PCDHGB3: variants seen among roughly 807,000 people sequenced by gnomAD.
The protein encoded by PCDHGB3 is protocadherin gamma-B3.
Under a neutral mutation model 59.2 loss-of-function variants are expected in PCDHGB3, and 40 were observed. That is an observed-to-expected ratio of 0.68 (90% CI 0.52 to 0.88). The LOEUF (loss-of-function observed/expected upper bound fraction) is 0.88. Among genes scored for constraint, PCDHGB3 ranks in the 40% least tolerant of loss-of-function variants. The pLI, the probability that PCDHGB3 is intolerant of heterozygous loss-of-function variation, is 0.00. For synonymous variants in PCDHGB3, 581 were observed against 503.6 expected (o/e 1.15, Z -2.06); for missense variants, 1,309 against 1,187.9 (o/e 1.10, Z -1.50).
intron 1 of PCDHGB3, chr5:141,415,929 T>C: frequency 1.6e-6 from 1 of 629,678 alleles, no homozygotes; most frequent in African/African-American, 1.9e-5. Context: ...TGTCAATTTA[T>C]ATTTCCTCCT....
At chr5:141,459,863 G>A (rs182099511) in intron 1 of PCDHGB3, among the ~76,000 whole-genome samples, 2 of 152,242 alleles carry the variant, frequency 1.3e-5, no homozygotes, top group East Asian at 1.9e-4. Context: ...TGAAGCATTC[G>A]TTCATCTTTA....
intron 1 of PCDHGB3, chr5:141,398,793 A>G (rs376843278): frequency 2.5e-5 from 41 of 1,613,830 alleles, no homozygotes; most frequent in South Asian, 1.1e-5. Flanking sequence ...ATCCACCCCT[A>G]AGCGGCACCA....
chr5:141,459,609 T>C (rs939880462), intron 1 of PCDHGB3, among the ~76,000 whole-genome samples: 1 of 152,230 alleles, frequency 6.6e-6, no homozygotes, highest in African/African-American at 2.4e-5. Context: ...AAGTATATGC[T>C]TAACTTTATA....
Position 141,372,516 on chromosome 5 carries a change from A to C in PCDHGB3, c.2122A>C (p.Ile708Leu). 6.2e-7 allele frequency: 1 copy of C among 1,613,902 alleles called. No individual in the cohort carries two copies. Among genetic ancestry groups the C allele is most frequent in the Non-Finnish European group, 8.5e-7 (1 of 1,179,862 alleles). Residue 708 changes from isoleucine to leucine, a missense_variant, in exon 1 of 4, where the codon ATT (isoleucine) becomes CTT (leucine). Transcript: ENST00000576222. ...LISVLFLLAV[I>L]LAISLRLRCS... The stretch of plus-strand genomic sequence containing the variant: ...CTCAGTGCTCTTCCTCCTCGCGGTG[A>C]TTCTGGCAATCTCCCTGCGCCTGCG...
At chr5:141,374,758 C>T in intron 1 of PCDHGB3, 1 of 1,613,200 alleles carries the variant, frequency 6.2e-7, no homozygotes, top group South Asian at 1.1e-5. Context: ...GCTCAAGCGT[C>T]GCCCAAATTC....
Position 141,476,990 on chromosome 5 carries a change from C to T in PCDHGB3, c.2416-17817C>T, listed in dbSNP as rs2099402882. ...CGGCAGCCACAACCGCGCCGGCGTGCGGCAACTATTCGCCTTAGACCTTGT... is the reference window on the plus strand; with the variant it reads ...CGGCAGCCACAACCGCGCCGGCGTGTGGCAACTATTCGCCTTAGACCTTGT... On this transcript the variant is annotated intron_variant, in intron 1 of 3. Coordinates refer to ENST00000576222, the MANE Select transcript of PCDHGB3 (RefSeq NM_018924.5). The surrounding 1 kb of genome is among the most constrained non-coding windows in gnomAD (Gnocchi z 7.6). 6.2e-7 allele frequency: 1 copy of T among 1,614,220 alleles called. No individual in the cohort carries two copies. The highest frequency in any genetic ancestry group is 8.5e-7 in the Non-Finnish European group (1 of 1,180,046).
chr5:141,401,725 T>C lies in PCDHGB3; in HGVS notation c.2415+28916T>C, dbSNP rs2094187242. Among the ~76,000 whole-genome samples the C allele has an allele frequency of 2.0e-5, 3 of 152,322 alleles. No individual in the cohort carries two copies. In the South Asian group the frequency reaches 6.2e-4, roughly 32 times the overall value. ...ATTCCATTTTTAAGACAAAAACTAC[T>C]AGTCTTGTGTACATACAAAGCTCCC... On this transcript the variant is annotated intron_variant, in intron 1 of 3. Coordinates refer to ENST00000576222, the MANE Select transcript of PCDHGB3 (RefSeq NM_018924.5).
chr5:141,382,453 G>A (rs1300977672), intron 1 of PCDHGB3, among the ~76,000 whole-genome samples: 1 of 152,202 alleles, frequency 6.6e-6, no homozygotes, highest in Non-Finnish European at 1.5e-5. Flanking sequence ...GCAAGGCAAA[G>A]CAGTTTTTTA....
intron 2 of PCDHGB3, among the ~76,000 whole-genome samples, chr5:141,498,068 A>G (rs765582921): frequency 6.6e-6 from 1 of 152,244 alleles, no homozygotes; most frequent in Non-Finnish European, 1.5e-5. Context: ...TGAAACTGTC[A>G]TAAGTGCTAG....
At chr5:141,502,008 C>T (rs753492460) in intron 2 of PCDHGB3, among the ~76,000 whole-genome samples, 6 of 152,086 alleles carry the variant, frequency 3.9e-5, no homozygotes, top group Non-Finnish European at 8.8e-5. Context: ...AACCCGCATG[C>T]TCTCCTCCCT....
intron 1 of PCDHGB3, chr5:141,393,238 T>A: frequency 1.2e-6 from 2 of 1,613,734 alleles, no homozygotes; most frequent in Non-Finnish European, 8.5e-7. Context: ...GAAGTAAAAA[T>A]TAACGAAATC....
chr5:141,454,272 A>G (rs1226625529), intron 1 of PCDHGB3, among the ~76,000 whole-genome samples: 1 of 152,200 alleles, frequency 6.6e-6, no homozygotes, highest in Non-Finnish European at 1.5e-5. Context: ...ATGCCAGCAA[A>G]AACTTCACAT....
At chr5:141,428,066 A>T in intron 1 of PCDHGB3, 2 of 1,609,118 alleles carry the variant, frequency 1.2e-6, no homozygotes, top group Non-Finnish European at 1.7e-6. Context: ...CGGTGGACGC[A>T]GATTCGGGAC....
At chr5:141,503,517 T>C (rs6878542) in intron 2 of PCDHGB3, among the ~76,000 whole-genome samples, 77,350 of 150,132 alleles carry the variant, frequency 0.52, 20,504 homozygotes, top group African/African-American at 0.63. Flanking sequence ...GAGAATCACT[T>C]GAACCTGGGA....
intron 1 of PCDHGB3, chr5:141,398,172 A>G (rs1386610242): frequency 6.1e-6 from 9 of 1,476,892 alleles, no homozygotes; most frequent in Non-Finnish European, 7.2e-6. Context: ...AGAGGCTGCC[A>G]GTGCTCTTTC....
At chr5:141,472,058 C>T (rs149583469) in intron 1 of PCDHGB3, among the ~76,000 whole-genome samples, 114 of 152,176 alleles carry the variant, frequency 7.5e-4, no homozygotes, top group African/African-American at 2.6e-3. Context: ...AAATGATTGA[C>T]ATGTCTGTGG....
intron 1 of PCDHGB3, among the ~76,000 whole-genome samples, chr5:141,488,544 C>G (rs1225754325): frequency 6.6e-6 from 1 of 152,166 alleles, no homozygotes; most frequent in African/African-American, 2.4e-5. Flanking sequence ...AGTCCCATGT[C>G]AGCTGACATT....
In PCDHGB3 at chr5:141,372,060, A is replaced by T; in HGVS notation, c.1666A>T (p.Asn556Tyr). 6.2e-7 allele frequency: 1 copy of T among 1,613,540 alleles called. No individual in the cohort carries two copies. Among genetic ancestry groups the T allele is most frequent in the East Asian group, 2.2e-5 (1 of 44,866 alleles). Residue 556 changes from asparagine to tyrosine, a missense_variant, in exon 1 of 4, where the codon AAC (asparagine) becomes TAC (tyrosine). Coordinates refer to ENST00000576222, the MANE Select transcript of PCDHGB3 (RefSeq NM_018924.5). ...CCTGCGCGTGTTGGTGGACGACCGC[A>T]ACGACAATGCACCGCTGGTGCTGTA... ...VSLRVLVDDRNDNAPLVLYPA... is the reference protein window; with the variant it reads ...VSLRVLVDDRYDNAPLVLYPA...
chr5:141,394,616 C>A, intron 1 of PCDHGB3: 1 of 1,613,490 alleles, frequency 6.2e-7, no homozygotes, highest in African/African-American at 1.3e-5. Flanking sequence ...CGGGCCAGAA[C>A]GCCTGGCTGT....
Sources: allele counts gnomAD v4.1 joint callset (sites outside exome capture counted in the v4.1 genomes callset), GRCh38; gene constraint gnomAD v4.1.1; non-coding constraint Gnocchi (gnomAD v3.1); transcripts MANE v1.5; gene names NCBI Gene and HGNC (gene_info 2026-07-23, HGNC 2026-07-21).